Variants in PPARGC1B observed in about 807,000 individuals in gnomAD.
PPARGC1B encodes peroxisome proliferator-activated receptor gamma coactivator 1-beta.
Under a neutral mutation model 101.6 loss-of-function variants are expected in PPARGC1B, and 34 were observed. The ratio of observed to expected loss-of-function variants is 0.33; its 90% CI spans 0.25 to 0.45. The LOEUF is 0.45. Ranked by LOEUF, PPARGC1B falls within the 20% of genes least tolerant of loss-of-function variation. PPARGC1B has a pLI of 1.00. For synonymous variants in PPARGC1B, 548 were observed against 539.3 expected (o/e 1.02, Z -0.22); for missense variants, 1,234 against 1,317.6 (o/e 0.94, Z 0.98).
At chr5:149,790,244 C>T (rs1756966888) in intron 1 of PPARGC1B, among the ~76,000 whole-genome samples, 1 of 152,160 alleles carries the variant, frequency 6.6e-6, no homozygotes, top group African/African-American at 2.4e-5. Flanking sequence ...ATGATAGGCA[C>T]AGGCTGCCCT....
At chr5:149,746,658 G>A (rs1755104982) in intron 1 of PPARGC1B, among the ~76,000 whole-genome samples, 1 of 152,120 alleles carries the variant, frequency 6.6e-6, no homozygotes, top group African/African-American at 2.4e-5. Context: ...TATTGTTAAT[G>A]TTTTGAGGAA....
chr5:149,757,593 C>T (rs931436702), intron 1 of PPARGC1B, among the ~76,000 whole-genome samples: 1 of 152,228 alleles, frequency 6.6e-6, no homozygotes, highest in African/African-American at 2.4e-5. Context: ...TCCTCGTTGG[C>T]TCTCCAGCTA....
rs768459494 is a variant in PPARGC1B, at chr5:149,833,674, A to G, written c.1601A>G (p.Gln534Arg). Residue 534 changes from glutamine to arginine, a missense_variant, in exon 5 of 12, where the codon CAG becomes CGG. Physicochemically the swap from Gln to Arg is conservative, Grantham distance 43 (BLOSUM62 1). Around this residue, in one of 3 missense-constraint regions of PPARGC1B, gnomAD observed 734 missense variants for 768.4 expected, o/e 0.96. Coordinates refer to ENST00000309241, the MANE Select transcript of PPARGC1B (RefSeq NM_133263.4). This position sits in a 1 kb window ranked among gnomAD's most constrained non-coding sequence, Gnocchi z 4.1. ...SPTDEDSGQD[Q>R]QLLRGPQIPA... ...ACGGACGAGGACAGTGGCCAAGACC[A>G]GCAGCTCCTACGGGGACCCCAGATC... 1.9e-6 allele frequency: 3 copies of G among 1,609,768 alleles called. No homozygotes were observed. Among genetic ancestry groups the G allele is most frequent in the Non-Finnish European group, 2.5e-6 (3 of 1,178,504 alleles).
intron 1 of PPARGC1B, among the ~76,000 whole-genome samples, chr5:149,783,483 C>T (rs970484238): frequency 6.6e-6 from 1 of 152,084 alleles, no homozygotes; most frequent in African/African-American, 2.4e-5. Flanking sequence ...ACCAGATAAG[C>T]GAGTGTGTGA....
At chr5:149,738,990 T>C (rs1754821715) in intron 1 of PPARGC1B, among the ~76,000 whole-genome samples, 1 of 152,264 alleles carries the variant, frequency 6.6e-6, no homozygotes, top group Non-Finnish European at 1.5e-5. Context: ...CTTTTATTCC[T>C]ACAACTGGAT....
At chr5:149,740,453 G>A (rs1379262957) in intron 1 of PPARGC1B, among the ~76,000 whole-genome samples, 2 of 152,174 alleles carry the variant, frequency 1.3e-5, no homozygotes, top group African/African-American at 4.8e-5. Context: ...GAGGCCCTGA[G>A]GTTCTTCTTG....
downstream of PPARGC1B, among the ~76,000 whole-genome samples, chr5:149,855,330 T>C (rs1419411307): frequency 2.0e-5 from 3 of 152,082 alleles, no homozygotes; most frequent in African/African-American, 7.2e-5. Flanking sequence ...ATATAATAAA[T>C]AAATAAAATA....
intron 1 of PPARGC1B, among the ~76,000 whole-genome samples, chr5:149,731,479 G>T (rs1468343481): frequency 6.6e-6 from 1 of 152,204 alleles, no homozygotes; most frequent in African/African-American, 2.4e-5. Context: ...GGAGCCCCGG[G>T]TGCTGGCACA....
intron 1 of PPARGC1B, among the ~76,000 whole-genome samples, chr5:149,746,227 A>G (rs893418921): frequency 1.3e-5 from 2 of 152,188 alleles, no homozygotes; most frequent in Non-Finnish European, 2.9e-5. Context: ...AGGCATTGCC[A>G]TGGCTTGCTG....
chr5:149,790,659 A>AAATG (rs1756984453), intron 1 of PPARGC1B, among the ~76,000 whole-genome samples: 1 of 152,164 alleles, frequency 6.6e-6, no homozygotes. Flanking sequence ...ATTAGCAAAT[A>AAATG]AATGAATGAC....
chr5:149,805,153 C>T (rs559603077), intron 1 of PPARGC1B, among the ~76,000 whole-genome samples: 2 of 152,278 alleles, frequency 1.3e-5, no homozygotes, highest in African/African-American at 2.4e-5. Context: ...ACTTTCCCCT[C>T]CCCATTCTTT....
At chr5:149,834,831 C>T in intron 6 of PPARGC1B, 121 bp downstream of exon 6, 1 of 841,758 alleles carries the variant, frequency 1.2e-6, no homozygotes, top group Non-Finnish European at 1.9e-6. Context: ...ACACCCTGTG[C>T]CCTGATTGTC....
intron 1 of PPARGC1B, among the ~76,000 whole-genome samples, chr5:149,764,457 T>TA (rs1755831988): frequency 6.6e-6 from 1 of 152,124 alleles, no homozygotes; most frequent in African/African-American, 2.4e-5. Flanking sequence ...AAGTCTGGGA[T>TA]AGGGAGGACG....
chr5:149,797,634 G>T (rs1757274364), intron 1 of PPARGC1B, among the ~76,000 whole-genome samples: 1 of 152,166 alleles, frequency 6.6e-6, no homozygotes. Flanking sequence ...ATTTAAAAAT[G>T]TTTCGGCTGG....
intron 1 of PPARGC1B, among the ~76,000 whole-genome samples, chr5:149,737,308 CTT>C: frequency 2.6e-5 from 4 of 152,150 alleles, no homozygotes; most frequent in African/African-American, 9.7e-5. Flanking sequence ...CCTTCGGGTA[CTT>C]TTAAGTTGGA....
intron 1 of PPARGC1B, among the ~76,000 whole-genome samples, chr5:149,756,327 CTGTAA>C (rs1755519546): frequency 6.6e-6 from 1 of 152,026 alleles, no homozygotes; most frequent in African/African-American, 2.4e-5. Context: ...TGGCAGGCAC[CTGTAA>C]TCCCAGCTAC....
chr5:149,823,372 A>G (rs1758377727), intron 2 of PPARGC1B, among the ~76,000 whole-genome samples: 2 of 152,122 alleles, frequency 1.3e-5, no homozygotes, highest in Admixed American at 1.3e-4. Flanking sequence ...TTTAAGCCCC[A>G]TGGATAGTAG....
intron 1 of PPARGC1B, among the ~76,000 whole-genome samples, chr5:149,762,066 C>T (rs898116560): frequency 2.0e-5 from 3 of 151,984 alleles, no homozygotes; most frequent in African/African-American, 4.8e-5. Flanking sequence ...CTTGGGTTCT[C>T]CTGGGGACCT....
chr5:149,792,028 G>T lies in PPARGC1B; in HGVS notation c.79-28405G>T, dbSNP rs187562621. Among the ~76,000 whole-genome samples the T allele has an allele frequency of 2.1e-4, 32 of 152,266 alleles. No homozygotes were observed. In the East Asian group the frequency reaches 5.6e-3, roughly 27 times the overall value. ...TGGGAGGGGTGTCAGTGGGACAAAG[G>T]GTGTCCCCCAGGCAAGGCTTGAAAG... On this transcript the variant is annotated intron_variant, in intron 1 of 11. Coordinates refer to ENST00000309241, the MANE Select transcript of PPARGC1B (RefSeq NM_133263.4).
Sources: gnomAD v4.1 joint callset for allele counts (sites outside exome capture counted in the v4.1 genomes callset) on GRCh38, gnomAD v4.1.1 for gene constraint, gnomAD v4.1.1 regional missense constraint, Gnocchi (gnomAD v3.1) non-coding constraint, MANE v1.5 for transcripts, NCBI Gene and HGNC (gene_info 2026-07-23, HGNC 2026-07-21) for gene names.